The following CLMP variants were observed in gnomAD, a reference collection of about 807,000 sequenced individuals.
The protein encoded by CLMP is CXADR like cell adhesion molecule, also known as CXADR-like membrane protein.
A neutral mutation model predicts 45.2 loss-of-function variants in CLMP; 27 were observed. The ratio of observed to expected loss-of-function variants is 0.60; its 90% CI spans 0.44 to 0.82. The LOEUF (loss-of-function observed/expected upper bound fraction) is 0.82, where lower values mean the gene tolerates loss of function less well. CLMP is among the 40% of genes least tolerant of loss of function. The probability of loss-of-function intolerance (pLI) is 0.00; values close to 1 mark genes in which losing one functional copy is unlikely to be tolerated. For missense variants in CLMP, 403 were observed against 448.4 expected, an observed-to-expected ratio of 0.90 and a Z score of 0.91; for synonymous variants, 167 against 171.4, an observed-to-expected ratio of 0.97 and a Z score of 0.20.
chr11:123,169,004 C>A (rs187042444), intron 1 of CLMP, among the ~76,000 whole-genome samples: 3 of 152,198 alleles, frequency 2.0e-5, no homozygotes, highest in Admixed American at 6.5e-5. Flanking sequence ...ATATGAAAGA[C>A]CACCATAAGA....
rs775735716 is a variant in CLMP, at chr11:123,194,948, C to T, written c.-8G>A. 1.2e-6 allele frequency: 2 copies of T among 1,612,184 alleles called. No individual in the cohort carries two copies. The highest frequency in any genetic ancestry group is 1.1e-5 in the South Asian group (1 of 91,012). ...GAGAAGGAGGAGGGACATCCCGATCCCCGGACGCGGGCGCTTCCCCGCTCA... is the reference window on the plus strand; with the variant it reads ...GAGAAGGAGGAGGGACATCCCGATCTCCGGACGCGGGCGCTTCCCCGCTCA... On this transcript the variant is annotated 5_prime_UTR_variant, in exon 1 of 7. Coordinates refer to ENST00000448775, the MANE Select transcript of CLMP (RefSeq NM_024769.5).
At chr11:123,124,051 G>A (rs1224899470) in intron 1 of CLMP, among the ~76,000 whole-genome samples, 1 of 152,204 alleles carries the variant, frequency 6.6e-6, no homozygotes, top group Non-Finnish European at 1.5e-5. Flanking sequence ...CATTTGATGG[G>A]AGAGTTAGGA....
At chr11:123,163,702 G>A (rs1187234468) in intron 1 of CLMP, among the ~76,000 whole-genome samples, 1 of 152,084 alleles carries the variant, frequency 6.6e-6, no homozygotes, top group Non-Finnish European at 1.5e-5. Flanking sequence ...AACAGGAGAG[G>A]GAGAAGGTCC....
chr11:123,194,627 C>T (rs1390174376), intron 1 of CLMP, among the ~76,000 whole-genome samples: 1 of 152,234 alleles, frequency 6.6e-6, no homozygotes, highest in East Asian at 1.9e-4. Context: ...CAATTCTCCA[C>T]TTTTCCCAGA....
intron 1 of CLMP, among the ~76,000 whole-genome samples, chr11:123,119,914 T>G (rs1860789469): frequency 6.6e-6 from 1 of 152,124 alleles, no homozygotes; most frequent in Non-Finnish European, 1.5e-5. Context: ...CTCGAACTCC[T>G]GACCTCAGGT....
intron 1 of CLMP, among the ~76,000 whole-genome samples, chr11:123,101,403 G>A (rs71488400): frequency 1.3e-5 from 2 of 152,148 alleles, no homozygotes; most frequent in Admixed American, 6.5e-5. Context: ...CACCAAACCC[G>A]GCCTCCCTGT....
At chr11:123,186,310 A>G (rs2135551062) in intron 1 of CLMP, among the ~76,000 whole-genome samples, 1 of 152,320 alleles carries the variant, frequency 6.6e-6, no homozygotes, top group South Asian at 2.1e-4. Context: ...TGAAAGCAGA[A>G]ACGAACCAAC....
rs370676307 is a variant in CLMP at position 123,157,411 on chromosome 11, C to T, written c.28+37502G>A. 2.0e-3 allele frequency among the ~76,000 whole-genome samples: 302 copies of T among 152,088 alleles called. 1 individual carries two copies. The South Asian group carries it at 0.021, about 11-fold the overall frequency. ...CTCTACTAAAAATACAAAATTACCC[C>T]GGCGTGGTGGCACATGCCTCTAATC... is the stretch of plus-strand genomic sequence containing the variant. On this transcript the variant is annotated intron_variant, in intron 1 of 6. Transcript: ENST00000448775.
chr11:123,083,245 TGATGGTATC>T, intron 4 of CLMP, 38 bp from the exon 5 acceptor site: 1 of 1,594,198 alleles, frequency 6.3e-7, no homozygotes, highest in Admixed American at 1.7e-5. Context: ...ATCCCTTTAG[TGATGGTATC>T]TATATTTATT....
chr11:123,125,888 G>A (rs1860887358), intron 1 of CLMP, among the ~76,000 whole-genome samples: 1 of 152,048 alleles, frequency 6.6e-6, no homozygotes, highest in Non-Finnish European at 1.5e-5. Flanking sequence ...TTACAGGCAT[G>A]AGCCACTGCG....
chr11:123,100,815 T>C (rs746832010), intron 1 of CLMP, among the ~76,000 whole-genome samples: 2 of 152,034 alleles, frequency 1.3e-5, no homozygotes, highest in African/African-American at 2.4e-5. Flanking sequence ...ACTTTTTTTT[T>C]CCTCCCACTG....
chr11:123,098,527 C>CTGTT (rs561298471), intron 1 of CLMP, among the ~76,000 whole-genome samples: 144 of 151,660 alleles, frequency 9.5e-4, no homozygotes, highest in Middle Eastern at 3.4e-3. Context: ...TGTGCCCGGC[C>CTGTT]TGTTTGTTTG....
intron 5 of CLMP, 93 bp downstream of exon 5, chr11:123,082,992 C>A: frequency 2.7e-6 from 4 of 1,478,886 alleles, no homozygotes; most frequent in Non-Finnish European, 3.7e-6. Context: ...TTGACCTTAA[C>A]CTTACTCTTA....
chr11:123,093,735 A>G (rs981422835), intron 2 of CLMP, among the ~76,000 whole-genome samples: 4 of 152,150 alleles, frequency 2.6e-5, no homozygotes, highest in Non-Finnish European at 5.9e-5. Context: ...GTGATGGGAG[A>G]AAAATGAACA....
At chr11:123,106,302 G>A (rs1591459960) in intron 1 of CLMP, among the ~76,000 whole-genome samples, 1 of 151,706 alleles carries the variant, frequency 6.6e-6, no homozygotes, top group South Asian at 2.1e-4. Context: ...TCTGCCTCTT[G>A]TCAGTGCTTT....
At chr11:123,188,913 T>C (rs1861867288) in intron 1 of CLMP, 1 of 152,166 alleles carries the variant, frequency 6.6e-6, no homozygotes, top group African/African-American at 2.4e-5. Context: ...AACAGGACTT[T>C]AAGCAGAAAA....
At chr11:123,111,163 G>C (rs1398056757) in intron 1 of CLMP, among the ~76,000 whole-genome samples, 1 of 151,926 alleles carries the variant, frequency 6.6e-6, no homozygotes, top group East Asian at 1.9e-4. Flanking sequence ...TGTGTGTGTG[G>C]TTTTTGTGTG....
intron 1 of CLMP, among the ~76,000 whole-genome samples, chr11:123,118,302 C>A (rs571846049): frequency 6.6e-6 from 1 of 151,978 alleles, no homozygotes; most frequent in South Asian, 2.1e-4. Context: ...GCTAATTTTT[C>A]TTTTGTATTT....
intron 1 of CLMP, among the ~76,000 whole-genome samples, chr11:123,185,446 A>T (rs59452488): frequency 0.011 from 1,615 of 151,862 alleles, 33 homozygotes; most frequent in African/African-American, 0.037. Flanking sequence ...GCATGTGGGG[A>T]CGGTCACCTG....
Sources: gnomAD v4.1 joint callset for allele counts (sites outside exome capture counted in the v4.1 genomes callset) on GRCh38, gnomAD v4.1.1 for gene constraint, MANE v1.5 for transcripts, NCBI Gene and HGNC (gene_info 2026-07-23, HGNC 2026-07-21) for gene names.